Variants in RPAP2 observed in about 807,000 individuals in gnomAD.
The protein encoded by RPAP2 is putative RNA polymerase II subunit B1 CTD phosphatase RPAP2.
In RPAP2, 52 loss-of-function variants were observed where a neutral mutation model predicts 73.1. The ratio of observed to expected loss-of-function variants is 0.71; its 90% CI spans 0.57 to 0.90. RPAP2 has a LOEUF of 0.90. Ranked by LOEUF, RPAP2 falls within the 40% of genes least tolerant of loss-of-function variation. RPAP2 has a pLI of 0.00. For missense variants in RPAP2, 598 were observed against 701.8 expected, an observed-to-expected ratio of 0.85 and a Z score of 1.67; for synonymous variants, 225 against 242.1, an observed-to-expected ratio of 0.93 and a Z score of 0.65.
chr1:92,389,734 A>T lies in RPAP2; in HGVS notation c.*2723A>T, dbSNP rs1437128078. 1 of 152,228 alleles carries T rather than the reference A, an allele frequency of 6.6e-6. No homozygotes were observed. The highest frequency in any genetic ancestry group is 1.5e-5 in the Non-Finnish European group (1 of 68,046). The allele number at this position is 152,228 out of a possible 1,614,324, so 9.4% of individuals were successfully genotyped here. A position where few individuals can be genotyped will look rare whatever the true frequency, so the allele number is the denominator to read the frequency against. On this transcript the variant is annotated 3_prime_UTR_variant, in exon 13 of 13. Transcript: ENST00000610020. ...TGGAGCTGAAAACCACAGTACGGGA[A>T]CTTCGTGAAGCATACACAAGCTTCA... is the stretch of plus-strand genomic sequence containing the variant.
chr1:92,386,551 C>G (rs1033828611), intron 12 of RPAP2, among the ~76,000 whole-genome samples: 3 of 152,150 alleles, frequency 2.0e-5, no homozygotes, highest in Non-Finnish European at 4.4e-5. Flanking sequence ...TAAAACTTAG[C>G]CCTCAAGTTG....
chr1:92,391,794 A>G lies in RPAP2; in HGVS notation c.*4783A>G, dbSNP rs1195608521. ...ACTAGAAAATCTAGAAGAAATGGAT[A>G]AATTCCTCGACACATACACCCTCCC... On this transcript the variant is annotated 3_prime_UTR_variant, in exon 13 of 13. Coordinates refer to ENST00000610020, the MANE Select transcript of RPAP2 (RefSeq NM_024813.3). 1 of 152,216 alleles carries G rather than the reference A, an allele frequency of 6.6e-6. No homozygotes were observed. The highest frequency in any genetic ancestry group is 2.4e-5 in the African/African-American group (1 of 41,460). 9.4% of individuals were successfully genotyped at this position (152,216 alleles called of 1,614,324 possible).
At chr1:92,324,460 G>T in intron 8 of RPAP2, 85 bp downstream of exon 8, 1 of 1,032,816 alleles carries the variant, frequency 9.7e-7, no homozygotes, top group South Asian at 1.6e-5. Context: ...GAAGGATATT[G>T]AAGAGTTAAT....
At chr1:92,312,916 A>G (rs1026263520) in intron 6 of RPAP2, among the ~76,000 whole-genome samples, 1 of 151,114 alleles carries the variant, frequency 6.6e-6, no homozygotes, top group Non-Finnish European at 1.5e-5. Context: ...CTGCCTCCTC[A>G]GTTCAGTGGC....
intron 8 of RPAP2, among the ~76,000 whole-genome samples, chr1:92,325,423 T>C (rs1652570083): frequency 6.6e-6 from 1 of 152,084 alleles, no homozygotes; most frequent in Admixed American, 6.5e-5. Context: ...AAAACTTATA[T>C]TAAGCTAGGA....
intron 11 of RPAP2, among the ~76,000 whole-genome samples, chr1:92,371,287 A>G (rs1432467659): frequency 6.9e-6 from 1 of 144,282 alleles, no homozygotes; most frequent in Non-Finnish European, 1.5e-5. Context: ...CCTGGGCAAT[A>G]GAGTGAGTCT....
intron 11 of RPAP2, among the ~76,000 whole-genome samples, chr1:92,380,468 T>C (rs1453861931): frequency 6.6e-6 from 1 of 152,158 alleles, no homozygotes; most frequent in African/African-American, 2.4e-5. Context: ...ATTTTAGTAG[T>C]TTTTGCTGGC....
At chr1:92,359,967 A>G (rs1044308640) in intron 11 of RPAP2, among the ~76,000 whole-genome samples, 1 of 146,396 alleles carries the variant, frequency 6.8e-6, no homozygotes, top group Non-Finnish European at 1.5e-5. Flanking sequence ...TAGACTCTAC[A>G]TTATTTTATT....
At chr1:92,327,943 G>A (rs966254741) in intron 8 of RPAP2, among the ~76,000 whole-genome samples, 1 of 152,064 alleles carries the variant, frequency 6.6e-6, no homozygotes, top group Non-Finnish European at 1.5e-5. Flanking sequence ...AAAATTCTTG[G>A]CTGACAGTTG....
chr1:92,343,402 A>C (rs1358777246), intron 10 of RPAP2, among the ~76,000 whole-genome samples: 1 of 152,174 alleles, frequency 6.6e-6, no homozygotes, highest in Admixed American at 6.5e-5. Context: ...CCAAAATAAA[A>C]CACTACTGAG....
Position 92,373,733 on chromosome 1 carries a change from T to TAAAAAAA in RPAP2, c.1689-6986_1689-6985insAAAAAAA, listed in dbSNP as rs1395822870. 6.7e-3 allele frequency among the ~76,000 whole-genome samples: 273 copies of TAAAAAAA among 40,860 alleles called. 71 individuals are homozygous for TAAAAAAA. Among genetic ancestry groups the TAAAAAAA allele is most frequent in the African/African-American group, 7.2e-3 (75 of 10,362 alleles). 26.8% of individuals were successfully genotyped at this position (40,860 alleles called of 152,430 possible). On this transcript the variant is annotated intron_variant, in intron 11 of 12. Transcript: ENST00000610020. ...CAACATGGTGAAACCCCGTCTCTACTAAAAATAAAAAAAAAAAAAAAAAAA... is the reference window on the plus strand; with the variant it reads ...CAACATGGTGAAACCCCGTCTCTACTAAAAAAAAAAAATAAAAAAAAAAAAAAAAAAA...
rs780001558 is a variant in RPAP2, at chr1:92,395,394, C to G, written c.*8383C>G. On this transcript the variant is annotated 3_prime_UTR_variant, in exon 13 of 13. Transcript: ENST00000610020. ...TTCACATCTGAAATCCCTGCACTTT[C>G]GGAAGCCAAGGAGGGTGGACCACTT... is the stretch of plus-strand genomic sequence containing the variant. 1 of 151,972 alleles carries G rather than the reference C, an allele frequency of 6.6e-6. No homozygotes were observed. Among genetic ancestry groups the G allele is most frequent in the African/African-American group, 2.4e-5 (1 of 41,386 alleles). 9.4% of individuals were successfully genotyped at this position (151,972 alleles called of 1,614,324 possible). A position where few individuals can be genotyped will look rare whatever the true frequency, so the allele number is the denominator to read the frequency against.
rs1490236901 is a variant in RPAP2 at position 92,394,452 on chromosome 1, T to G, written c.*7441T>G. 6.6e-6 allele frequency: 1 copy of G among 152,150 alleles called. No individual in the cohort carries two copies. Among genetic ancestry groups the G allele is most frequent in the Non-Finnish European group, 1.5e-5 (1 of 68,062 alleles). The allele number at this position is 152,150 out of a possible 1,614,324, so 9.4% of individuals were successfully genotyped here. On this transcript the variant is annotated 3_prime_UTR_variant, in exon 13 of 13. Transcript: ENST00000610020. The stretch of plus-strand genomic sequence containing the variant: ...AACAAAACTACATGTTCTGCACATG[T>G]AACCCAGAACTTAAAGTATAATAAA...
chr1:92,366,779 GGCATTTT>G (rs1448655357), intron 11 of RPAP2, among the ~76,000 whole-genome samples: 1 of 152,024 alleles, frequency 6.6e-6, no homozygotes, highest in Non-Finnish European at 1.5e-5. Flanking sequence ...ATCTGAGAGA[GGCATTTT>G]GCAAAATGTC....
rs1654340419 is a variant in RPAP2, at chr1:92,354,010, C to T, written c.1688+8096C>T. 2.0e-5 allele frequency among the ~76,000 whole-genome samples: 3 copies of T among 152,178 alleles called. No homozygotes were observed. The South Asian group carries it at 6.2e-4, about 32-fold the overall frequency. On this transcript the variant is annotated intron_variant, in intron 11 of 12. Transcript: ENST00000610020. ...TGAGTGTCTCCAACTTCAGGCCATACTCCACATTAAAAGTCACCAAGGATC... is the reference window on the plus strand; with the variant it reads ...TGAGTGTCTCCAACTTCAGGCCATATTCCACATTAAAAGTCACCAAGGATC...
chr1:92,338,835 C>G lies in RPAP2; in HGVS notation c.1619+2408C>G, dbSNP rs556919313. On this transcript the variant is annotated intron_variant, in intron 10 of 12. Transcript: ENST00000610020. ...ATGTTGCCCAGGCTGGTCTTGAACT[C>G]TTGCCCTCAAGGGATCCTGCTGCCT... is the stretch of plus-strand genomic sequence containing the variant. 2.6e-5 allele frequency among the ~76,000 whole-genome samples: 4 copies of G among 151,986 alleles called. No homozygotes were observed. In the East Asian group the frequency reaches 7.7e-4, roughly 29 times the overall value.
At chr1:92,344,996 G>T (rs1304770722) in intron 10 of RPAP2, among the ~76,000 whole-genome samples, 2 of 152,020 alleles carry the variant, frequency 1.3e-5, no homozygotes, top group Non-Finnish European at 2.9e-5. Context: ...GATGACTACA[G>T]AGTTTTTTGT....
Position 92,324,146 on chromosome 1 carries a change from A to T in RPAP2, c.1226A>T (p.Glu409Val). ...EASLVKEELD[E>V]DDIISDPDSH... ...TCTCTGGTTAAAGAAGAACTTGATG[A>T]AGATGACATAATCTCAGATCCAGAT... The change falls in exon 8 of 13, where the codon GAA (glutamate) becomes GTA (valine). Residue 409 changes from glutamate to valine, a missense_variant. Glu to Val is a moderately radical substitution (Grantham distance 121). Around this residue, in one of 3 missense-constraint regions of RPAP2, gnomAD observed 506 missense variants for 612.8 expected, o/e 0.83. Coordinates refer to ENST00000610020, the MANE Select transcript of RPAP2 (RefSeq NM_024813.3). 1 of 1,614,168 alleles carries T rather than the reference A, an allele frequency of 6.2e-7. No individual in the cohort carries two copies. Among genetic ancestry groups the T allele is most frequent in the East Asian group, 2.2e-5 (1 of 44,886 alleles).
At chr1:92,324,792 ATATT>A (rs1188433715) in intron 8 of RPAP2, among the ~76,000 whole-genome samples, 1 of 152,144 alleles carries the variant, frequency 6.6e-6, no homozygotes, top group Non-Finnish European at 1.5e-5. Context: ...ACATTGGAAA[ATATT>A]TAGCAAGCAT....
Sources: allele counts gnomAD v4.1 joint callset (sites outside exome capture counted in the v4.1 genomes callset), GRCh38; gene constraint gnomAD v4.1.1; regional missense constraint gnomAD v4.1.1; transcripts MANE v1.5; gene names NCBI Gene and HGNC (gene_info 2026-07-23, HGNC 2026-07-21).